The following PBX1 variants were observed in gnomAD, a reference collection of about 807,000 sequenced individuals.
PBX1 encodes pre-B-cell leukemia transcription factor 1.
PBX1 carries 6 observed loss-of-function variants against 53.4 expected under a neutral mutation model. The observed-to-expected ratio is 0.11, with a 90% CI of 0.06 to 0.22. The LOEUF (loss-of-function observed/expected upper bound fraction) is 0.22, where lower values mean the gene tolerates loss of function less well. PBX1 is among the 10% of genes least tolerant of loss of function. PBX1 has a pLI of 1.00. For missense variants in PBX1, 251 were observed against 551.4 expected (o/e 0.46, Z 5.46); for synonymous variants, 204 against 212.3 (o/e 0.96, Z 0.34).
intron 2 of PBX1, among the ~76,000 whole-genome samples, chr1:164,718,787 T>C (rs1354029747): frequency 6.6e-6 from 1 of 152,188 alleles, no homozygotes; most frequent in Admixed American, 6.5e-5. Context: ...ACTCTTATCA[T>C]TGTGGCAGGA....
At chr1:164,609,617 G>C (rs886475364) in intron 2 of PBX1, among the ~76,000 whole-genome samples, 2 of 151,990 alleles carry the variant, frequency 1.3e-5, no homozygotes, top group African/African-American at 4.8e-5. Context: ...GCTTCTTCTA[G>C]AGTACTAGGG....
chr1:164,662,491 A>G (rs1385669145), intron 2 of PBX1, among the ~76,000 whole-genome samples: 3 of 152,122 alleles, frequency 2.0e-5, no homozygotes, highest in African/African-American at 7.2e-5. Flanking sequence ...ACCAGTACCA[A>G]GCCGACTATG....
At chr1:164,798,284 A>G (rs1334293416) in intron 3 of PBX1, among the ~76,000 whole-genome samples, 1 of 152,258 alleles carries the variant, frequency 6.6e-6, no homozygotes. Flanking sequence ...ATGCAATGTT[A>G]TCAATAACGA....
At chr1:164,838,679 C>G (rs1107532) in intron 8 of PBX1, among the ~76,000 whole-genome samples, 42,948 of 152,036 alleles carry the variant, frequency 0.28, 6,391 homozygotes, top group Middle Eastern at 0.36. Flanking sequence ...ATCTAGTTTT[C>G]TCTCCTGAGA....
intron 2 of PBX1, among the ~76,000 whole-genome samples, chr1:164,747,317 A>ATG (rs202141228): frequency 0.053 from 8,065 of 150,846 alleles, 209 homozygotes; most frequent in South Asian, 0.11. Context: ...TGTATGAATC[A>ATG]TGTATATATA....
intron 2 of PBX1, among the ~76,000 whole-genome samples, chr1:164,675,426 A>G (rs906657688): frequency 2.0e-5 from 3 of 152,124 alleles, no homozygotes; most frequent in African/African-American, 7.2e-5. Context: ...ACTAATAATA[A>G]TCATGTTTGT....
At chr1:164,786,985 T>G (rs1668230416) in intron 2 of PBX1, among the ~76,000 whole-genome samples, 4 of 152,186 alleles carry the variant, frequency 2.6e-5, no homozygotes, top group Admixed American at 2.6e-4. Flanking sequence ...AAGTACTTTA[T>G]GAACAAATAA....
chr1:164,867,085 A>G (rs10753650), intron 2 of PBX1, among the ~76,000 whole-genome samples: 63,905 of 152,086 alleles, frequency 0.42, 13,761 homozygotes, highest in Middle Eastern at 0.52. Context: ...ACAATGTGAC[A>G]CAGAGAAAGG....
chr1:164,676,665 G>T (rs955995133), intron 2 of PBX1, among the ~76,000 whole-genome samples: 3 of 152,210 alleles, frequency 2.0e-5, no homozygotes, highest in Non-Finnish European at 4.4e-5. Context: ...TGGGTTCAAA[G>T]CCTGCAGCCC....
rs58883174 is a variant in PBX1, at chr1:164,745,850, A to G, written c.266-46644A>G. Among the ~76,000 whole-genome samples, 255 of 152,282 alleles carry G rather than the reference A, an allele frequency of 1.7e-3. 1 individual carries two copies. The highest frequency in any genetic ancestry group is 5.8e-3 in the African/African-American group (242 of 41,560). On this transcript the variant is annotated intron_variant, in intron 2 of 8. Transcript: ENST00000420696. ...TACATGACTGAACGTAACTGACCTG[A>G]CATTGCTGAGTTCCATTCTCCAAAT...
chr1:164,865,874 G>A (rs1672204496), intron 2 of PBX1, among the ~76,000 whole-genome samples: 1 of 152,172 alleles, frequency 6.6e-6, no homozygotes, highest in Admixed American at 6.6e-5. Context: ...AAATGATGGG[G>A]AAAGGGGTAA....
intron 3 of PBX1, 115 bp downstream of exon 3, chr1:164,792,853 T>G (rs1668589598): frequency 1.3e-6 from 1 of 787,148 alleles, no homozygotes; most frequent in Non-Finnish European, 2.0e-6. Flanking sequence ...CTGGCATCCC[T>G]GTGCCCGGCA....
At position 164,798,702 on chromosome 1, in the gene PBX1, T is replaced by C. The variant is rs891846010; in HGVS notation, c.511-997T>C. Reference sequence around the variant, plus strand: ...AACTCCACCTCCAGAGCTGATGATATGCTAGTTTATAACCTGAGAATTTTT... The same window carrying C: ...AACTCCACCTCCAGAGCTGATGATACGCTAGTTTATAACCTGAGAATTTTT... On this transcript the variant is annotated intron_variant, in intron 3 of 8. Transcript: ENST00000420696. Among the ~76,000 whole-genome samples the C allele has an allele frequency of 3.9e-4, 59 of 152,234 alleles. 3 individuals are homozygous for C. Among genetic ancestry groups the C allele is most frequent in the Admixed American group, 3.8e-3 (58 of 15,284 alleles).
Position 164,774,934 on chromosome 1 carries a change from C to T in PBX1, c.266-17560C>T, listed in dbSNP as rs1287604526. 3.9e-5 allele frequency among the ~76,000 whole-genome samples: 6 copies of T among 152,304 alleles called. No homozygotes were observed. In the East Asian group the frequency reaches 1.2e-3, roughly 29 times the overall value. On this transcript the variant is annotated intron_variant, in intron 2 of 8. Coordinates refer to ENST00000420696, the MANE Select transcript of PBX1 (RefSeq NM_002585.4). ...CGGCTGTAATTCAAGCCTGCTAATC[C>T]TCCTCTGCGTTCGGAAAAGAGGCCT... is the stretch of plus-strand genomic sequence containing the variant.
At chr1:164,658,019 A>G (rs1660262613) in intron 2 of PBX1, among the ~76,000 whole-genome samples, 1 of 152,182 alleles carries the variant, frequency 6.6e-6, no homozygotes, top group South Asian at 2.1e-4. Context: ...ACTGTCAGGC[A>G]GATTCTGGGG....
At chr1:164,885,295 TA>T (rs34227735) in intron 2 of PBX1, among the ~76,000 whole-genome samples, 2 of 152,156 alleles carry the variant, frequency 1.3e-5, no homozygotes, top group African/African-American at 4.8e-5. Context: ...GACAAGACTT[TA>T]AAATGCCTAT....
chr1:164,832,845 C>T (rs113934662), intron 8 of PBX1, among the ~76,000 whole-genome samples: 3,270 of 151,828 alleles, frequency 0.022, 117 homozygotes, highest in African/African-American at 0.066. Flanking sequence ...ATAATAAAAA[C>T]ATAAAATAAG....
At chr1:164,717,317 CTT>C (rs1664161604) in intron 2 of PBX1, among the ~76,000 whole-genome samples, 1 of 152,054 alleles carries the variant, frequency 6.6e-6, no homozygotes. Flanking sequence ...TCTTTGGAGA[CTT>C]TTATTTGCCT....
At chr1:164,799,085 T>C (rs1309578596) in intron 3 of PBX1, among the ~76,000 whole-genome samples, 2 of 152,086 alleles carry the variant, frequency 1.3e-5, no homozygotes, top group Non-Finnish European at 2.9e-5. Flanking sequence ...AAAAGGGTGG[T>C]GTAGTGTGTT....
Sources: gnomAD v4.1 joint callset for allele counts (sites outside exome capture counted in the v4.1 genomes callset) on GRCh38, gnomAD v4.1.1 for gene constraint, MANE v1.5 for transcripts, NCBI Gene and HGNC (gene_info 2026-07-23, HGNC 2026-07-21) for gene names.